The following PCDHA2 variants were observed in gnomAD, a reference collection of about 807,000 sequenced individuals.
The protein encoded by PCDHA2 is protocadherin alpha-2.
A neutral mutation model predicts 66.0 loss-of-function variants in PCDHA2; 58 were observed. The ratio of observed to expected loss-of-function variants is 0.88; its 90% CI spans 0.71 to 1.09. The LOEUF (loss-of-function observed/expected upper bound fraction) is 1.09, where lower values mean the gene tolerates loss of function less well. Among genes scored for constraint, PCDHA2 ranks in the 50% least tolerant of loss-of-function variants. PCDHA2 has a pLI of 0.00. For synonymous variants in PCDHA2, 634 were observed against 554.0 expected (o/e 1.14, Z -2.03); for missense variants, 1,267 against 1,242.3 (o/e 1.02, Z -0.30).
At position 140,795,969 on chromosome 5, in the gene PCDHA2, A is replaced by C; in HGVS notation, c.1005A>C (p.Lys335Asn). The C allele has an allele frequency of 6.2e-7, 1 of 1,614,100 alleles. No homozygotes were observed. The highest frequency in any genetic ancestry group is 8.5e-7 in the Non-Finnish European group (1 of 1,180,012). Residue 335 changes from lysine to asparagine, a missense_variant, in exon 1 of 4, where the codon AAA becomes AAC. Physicochemically the swap from Lys to Asn is moderately conservative, Grantham distance 94. Transcript: ENST00000526136. ...CCCCTTCAATGTCAGGACATTGTAAAATTTCATTAAAACTTGTGGACATCA... is the reference window on the plus strand; with the variant it reads ...CCCCTTCAATGTCAGGACATTGTAACATTTCATTAAAACTTGTGGACATCA... ...KGTPSMSGHC[K>N]ISLKLVDIND...
intron 1 of PCDHA2, chr5:140,823,452 C>T (rs2150125920): frequency 1.2e-6 from 2 of 1,613,440 alleles, no homozygotes; most frequent in Middle Eastern, 1.7e-4. Context: ...ACGAGAACGA[C>T]AACGCGCCGG....
chr5:140,823,168 G>A (rs2150123028), intron 1 of PCDHA2: 46 of 1,613,838 alleles, frequency 2.9e-5, no homozygotes, highest in Non-Finnish European at 3.7e-5. Flanking sequence ...GTTCGTGAAG[G>A]AGAACAACCC....
intron 1 of PCDHA2, chr5:140,802,383 A>C (rs1302053906): frequency 1.9e-6 from 3 of 1,614,106 alleles, no homozygotes; most frequent in African/African-American, 1.3e-5. Flanking sequence ...CGTCCCCTTC[A>C]AGCTGGTGTC....
chr5:140,886,753 G>A (rs1434667485), intron 1 of PCDHA2, among the ~76,000 whole-genome samples: 3 of 151,010 alleles, frequency 2.0e-5, no homozygotes, highest in African/African-American at 7.3e-5. Flanking sequence ...TTGAACCCGG[G>A]AGGTGGAGGT....
chr5:140,827,973 TC>T, intron 1 of PCDHA2: 3 of 1,400,782 alleles, frequency 2.1e-6, no homozygotes, highest in Non-Finnish European at 2.9e-6. Flanking sequence ...ACTGCATCAT[TC>T]CCTGACTGTT....
chr5:141,007,174 G>T (rs926344346), intron 3 of PCDHA2, among the ~76,000 whole-genome samples: 9 of 152,118 alleles, frequency 5.9e-5, no homozygotes, highest in African/African-American at 2.2e-4. Context: ...AGAGAGAAAG[G>T]TCAGGAGAAT....
intron 1 of PCDHA2, among the ~76,000 whole-genome samples, chr5:140,947,798 A>C (rs1164932467): frequency 7.3e-5 from 11 of 151,710 alleles, no homozygotes; most frequent in African/African-American, 1.9e-4. Context: ...CAGACTTTTA[A>C]TTTGCAGAGA....
chr5:140,852,738 C>A, intron 1 of PCDHA2: 1 of 983,624 alleles, frequency 1.0e-6, no homozygotes, highest in Non-Finnish European at 1.2e-6. Flanking sequence ...TTTCATGTGC[C>A]ATTTAAACTT....
chr5:140,805,110 A>G (rs782802687), intron 1 of PCDHA2: 118 of 1,590,126 alleles, frequency 7.4e-5, no homozygotes, highest in Non-Finnish European at 9.9e-5. Context: ...ACTATTGTCT[A>G]ACAAGACTCT....
Position 140,843,051 on chromosome 5 carries a change from C to G in PCDHA2, c.2388+45699C>G, listed in dbSNP as rs2150351121. ...CGGGTGGGTGGCACTGGTGGCGCAG[C>G]GAGCAAGCTGGTGCCGCGGTCTGTG... On this transcript the variant is annotated intron_variant, in intron 1 of 3. Transcript: ENST00000526136. 14 of 1,594,994 alleles carry G rather than the reference C, an allele frequency of 8.8e-6. 2 individuals carry two copies. The highest frequency in any genetic ancestry group is 2.2e-5 in the South Asian group (2 of 90,478).
intron 1 of PCDHA2, among the ~76,000 whole-genome samples, chr5:140,961,726 A>ACAAT (rs1470566144): frequency 1.4e-4 from 21 of 152,270 alleles, no homozygotes; most frequent in African/African-American, 4.8e-4. Flanking sequence ...GTGCTCATAA[A>ACAAT]CAATCACTTT....
rs376318697 is a variant in PCDHA2 at position 140,797,001 on chromosome 5, G to C, written c.2037G>C (p.Ser679=). The change falls in exon 1 of 4, where the codon TCG becomes TCC. Residue 679 remains serine, a synonymous_variant. Coordinates refer to ENST00000526136, the MANE Select transcript of PCDHA2 (RefSeq NM_018905.3). ...LVESGQAPKA[S]SRAWVGAAGS... ...AAAGTGGCCAGGCACCCAAGGCCTC[G>C]TCGCGGGCGTGGGTGGGCGCCGCGG... is the stretch of plus-strand genomic sequence containing the variant. The C allele has an allele frequency of 8.1e-6, 13 of 1,613,708 alleles. No homozygotes were observed. Among genetic ancestry groups the C allele is most frequent in the Middle Eastern group, 1.6e-4 (1 of 6,062 alleles).
At position 140,851,173 on chromosome 5, in the gene PCDHA2, A is replaced by C. The variant is rs1392883501; in HGVS notation, c.2388+53821A>C. Reference sequence around the variant, plus strand: ...ATTTCTGATGCTATGCTGCCATAACACTTGAAAACCAATTTAGTTGTTAGT... The same window carrying C: ...ATTTCTGATGCTATGCTGCCATAACCCTTGAAAACCAATTTAGTTGTTAGT... On this transcript the variant is annotated intron_variant, in intron 1 of 3. Coordinates refer to ENST00000526136, the MANE Select transcript of PCDHA2 (RefSeq NM_018905.3). The C allele has an allele frequency of 5.1e-5, 64 of 1,267,254 alleles. 8 individuals carry two copies. The highest frequency in any genetic ancestry group is 6.0e-5 in the Non-Finnish European group (59 of 985,446). 78.5% of individuals were successfully genotyped at this position (1,267,254 alleles called of 1,614,324 possible).
chr5:140,966,893 C>CA (rs1554228863), intron 1 of PCDHA2: 3 of 1,595,686 alleles, frequency 1.9e-6, no homozygotes, highest in African/African-American at 1.3e-5. Context: ...TGCGGCCTCC[C>CA]AGCTGCGATA....
chr5:140,884,497 C>T, intron 1 of PCDHA2: 1 of 1,614,042 alleles, frequency 6.2e-7, no homozygotes, highest in Non-Finnish European at 8.5e-7. Flanking sequence ...TGTGCTCCAG[C>T]GCGGCAGGGA....
At chr5:140,822,933 C>T in intron 1 of PCDHA2, 1 of 1,614,270 alleles carries the variant, frequency 6.2e-7, no homozygotes, top group Non-Finnish European at 8.5e-7. Flanking sequence ...AGGTGACCTG[C>T]TCCCTAATGC....
chr5:140,834,758 C>T (rs2150225679), intron 1 of PCDHA2: 11 of 1,614,006 alleles, frequency 6.8e-6, no homozygotes, highest in Non-Finnish European at 8.5e-6. Flanking sequence ...AGGTGAAGGA[C>T]ATTAACGACA....
rs782597550 is a variant in PCDHA2 at position 140,934,018 on chromosome 5, TG to T, written c.2389-44929del. ...ACCTCTCATTTTTCTTGACTAGACTTGGAAGTAGTTTATTAATGATATTAGT... is the reference window on the plus strand; with the variant it reads ...ACCTCTCATTTTTCTTGACTAGACTTGAAGTAGTTTATTAATGATATTAGT... On this transcript the variant is annotated intron_variant, in intron 1 of 3. Coordinates refer to ENST00000526136, the MANE Select transcript of PCDHA2 (RefSeq NM_018905.3). Among the ~76,000 whole-genome samples the T allele has an allele frequency of 2.6e-4, 40 of 152,182 alleles. 1 individual carries two copies. The highest frequency in any genetic ancestry group is 3.4e-3 in the Middle Eastern group (1 of 294).
intron 1 of PCDHA2, chr5:140,969,211 A>T: frequency 6.2e-7 from 1 of 1,614,206 alleles, no homozygotes; most frequent in Non-Finnish European, 8.5e-7. Context: ...GGGCCCAGAC[A>T]GGACCAGGGC....
Sources: gnomAD v4.1 joint callset for allele counts (sites outside exome capture counted in the v4.1 genomes callset) on GRCh38, gnomAD v4.1.1 for gene constraint, MANE v1.5 for transcripts, NCBI Gene and HGNC (gene_info 2026-07-23, HGNC 2026-07-21) for gene names.